The following PHLDB2 variants were observed in gnomAD, a reference collection of about 807,000 sequenced individuals.
The protein encoded by PHLDB2 is pleckstrin homology-like domain family B member 2.
PHLDB2 carries 71 observed loss-of-function variants against 123.6 expected under a neutral mutation model. The observed-to-expected ratio is 0.57, with a 90% CI of 0.47 to 0.70. The LOEUF is 0.70. Ranked by LOEUF, PHLDB2 falls within the 30% of genes least tolerant of loss-of-function variation. PHLDB2 has a pLI of 0.00. For synonymous variants in PHLDB2, 547 were observed against 541.6 expected, an observed-to-expected ratio of 1.01 and a Z score of -0.14; for missense variants, 1,446 against 1,519.5, an observed-to-expected ratio of 0.95 and a Z score of 0.80.
At chr3:111,787,253 C>T (rs922643407) in intron 1 of PHLDB2, among the ~76,000 whole-genome samples, 6 of 152,156 alleles carry the variant, frequency 3.9e-5, no homozygotes, top group Non-Finnish European at 8.8e-5. Flanking sequence ...CATGCTTTTG[C>T]GTTACTGAAG....
chr3:111,858,153 A>C (rs564288329), upstream of PHLDB2, among the ~76,000 whole-genome samples: 5 of 152,340 alleles, frequency 3.3e-5, no homozygotes, highest in South Asian at 1.0e-3. Context: ...TGTCCTTTGC[A>C]GGGACGTGGA....
chr3:111,866,040 G>C (rs1478728409), intron 1 of PHLDB2, among the ~76,000 whole-genome samples: 1 of 7,696 alleles, frequency 1.3e-4, no homozygotes, highest in Non-Finnish European at 3.2e-4. Flanking sequence ...TTTTTTTTTG[G>C]AGACAGAGTT....
At chr3:111,758,537 G>T (rs188686878) in intron 1 of PHLDB2, among the ~76,000 whole-genome samples, 378 of 152,320 alleles carry the variant, frequency 2.5e-3, no homozygotes, top group Non-Finnish European at 4.2e-3. Context: ...AAAGGGAACT[G>T]CCTGGTCCCT....
chr3:111,925,900 G>T (rs1449461246), intron 5 of PHLDB2, among the ~76,000 whole-genome samples: 1 of 152,158 alleles, frequency 6.6e-6, no homozygotes, highest in Non-Finnish European at 1.5e-5. Context: ...TTTTATCTGT[G>T]CTTCTTTTTA....
intron 5 of PHLDB2, among the ~76,000 whole-genome samples, chr3:111,926,119 C>T (rs1216276733): frequency 1.3e-5 from 2 of 152,248 alleles, no homozygotes; most frequent in Admixed American, 1.3e-4. Context: ...CTCTTAAACA[C>T]ATGAAACACA....
chr3:111,752,263 T>C (rs926549149), intron 1 of PHLDB2, among the ~76,000 whole-genome samples: 31 of 152,106 alleles, frequency 2.0e-4, no homozygotes, highest in African/African-American at 7.2e-4. Context: ...TGTGTGTGTG[T>C]GTGCATTTTA....
chr3:111,958,952 C>T (rs774979170), intron 12 of PHLDB2, among the ~76,000 whole-genome samples: 1 of 152,138 alleles, frequency 6.6e-6, no homozygotes, highest in Non-Finnish European at 1.5e-5. Context: ...TTATGACATC[C>T]ACATGCCAAA....
At chr3:111,890,003 C>G (rs567883195) in intron 2 of PHLDB2, among the ~76,000 whole-genome samples, 1 of 152,156 alleles carries the variant, frequency 6.6e-6, no homozygotes, top group Non-Finnish European at 1.5e-5. Flanking sequence ...TCTCACTTTT[C>G]CAGATCTCAA....
chr3:111,813,456 C>T (rs577581581), intron 1 of PHLDB2, among the ~76,000 whole-genome samples: 1 of 152,088 alleles, frequency 6.6e-6, no homozygotes, highest in African/African-American at 2.4e-5. Context: ...ATTTTTGTGG[C>T]TTAAGGCTAA....
intron 3 of PHLDB2, among the ~76,000 whole-genome samples, chr3:111,917,871 A>G (rs975688651): frequency 2.6e-5 from 4 of 152,154 alleles, no homozygotes; most frequent in African/African-American, 7.2e-5. Context: ...ACTCAACTTA[A>G]TGGGTTTTTT....
At chr3:111,940,262 A>G (rs1259380385) in intron 7 of PHLDB2, among the ~76,000 whole-genome samples, 1 of 152,206 alleles carries the variant, frequency 6.6e-6, no homozygotes, top group Non-Finnish European at 1.5e-5. Flanking sequence ...ATTCATCGAT[A>G]GCCTAAAACT....
chr3:111,856,785 T>A (rs1280286655), upstream of PHLDB2, among the ~76,000 whole-genome samples: 1 of 152,200 alleles, frequency 6.6e-6, no homozygotes, highest in Non-Finnish European at 1.5e-5. Flanking sequence ...ACTAGGGATA[T>A]AGCACTGGAG....
rs75096697 is a variant in PHLDB2, at chr3:111,913,569, G to C, written c.1586G>C (p.Ser529Thr). 2,806 of 1,614,132 alleles carry C rather than the reference G, an allele frequency of 1.7e-3. 40 individuals are homozygous for C. In the African/African-American group the frequency reaches 0.032, roughly 18 times the overall value. Residue 529 changes from serine to threonine, a missense_variant, in exon 3 of 18, where the codon AGT (serine) becomes ACT (threonine). Ser to Thr is a moderately conservative substitution (Grantham distance 58). Coordinates refer to ENST00000431670, the MANE Select transcript of PHLDB2 (RefSeq NM_001134438.2). ...AGCTGTGGGAGTCTCAGTCAGAGCA[G>C]TGCCAGCTTCTTTACCCCCAGGAGC... ...LASCGSLSQSSASFFTPRSTR... is the reference protein window; with the variant it reads ...LASCGSLSQSTASFFTPRSTR...
chr3:111,877,606 A>G (rs1353171454), intron 1 of PHLDB2, among the ~76,000 whole-genome samples: 3 of 152,046 alleles, frequency 2.0e-5, no homozygotes, highest in Non-Finnish European at 4.4e-5. Flanking sequence ...TTTTGTTGCC[A>G]TTGCTTTTGG....
At chr3:111,757,181 T>C (rs138521081) in intron 1 of PHLDB2, among the ~76,000 whole-genome samples, 1,597 of 152,324 alleles carry the variant, frequency 0.01, 27 homozygotes, top group African/African-American at 0.036. Flanking sequence ...ATTTCCTTAA[T>C]CTGAATGTTG....
At chr3:111,744,773 G>A (rs12495513) in intron 1 of PHLDB2, among the ~76,000 whole-genome samples, 8,909 of 152,132 alleles carry the variant, frequency 0.059, 620 homozygotes, top group East Asian at 0.37. Context: ...AAAGAAACGA[G>A]GATAACACAA....
At chr3:111,901,581 C>T (rs2067208722) in intron 2 of PHLDB2, among the ~76,000 whole-genome samples, 1 of 151,450 alleles carries the variant, frequency 6.6e-6, no homozygotes, top group Admixed American at 6.6e-5. Context: ...GTCTTTATAC[C>T]TCTCATATAC....
rs372424701 is a variant in PHLDB2 at position 111,884,736 on chromosome 3, A to G, written c.659A>G (p.Gln220Arg). Residue 220 changes from glutamine (Q) to arginine (R), a missense_variant, in exon 2 of 18, where the codon CAA becomes CGA. By Grantham distance (43) the Gln-to-Arg change is conservative (BLOSUM62 1). Around this residue, in one of 3 missense-constraint regions of PHLDB2, gnomAD observed 832 missense variants for 831.9 expected, o/e 1.00. Coordinates refer to ENST00000431670, the MANE Select transcript of PHLDB2 (RefSeq NM_001134438.2). ...AGCATTCAGGACAGCCTGGCGCTTCAACCCAAGTTAACTAGACACAAGGAG... is the reference window on the plus strand; with the variant it reads ...AGCATTCAGGACAGCCTGGCGCTTCGACCCAAGTTAACTAGACACAAGGAG... ...KMSIQDSLALQPKLTRHKELA... is the reference protein window; with the variant it reads ...KMSIQDSLALRPKLTRHKELA... The G allele has an allele frequency of 4.5e-5, 72 of 1,614,008 alleles. No individual in the cohort carries two copies. Among genetic ancestry groups the G allele is most frequent in the Admixed American group, 1.2e-4 (7 of 60,004 alleles).
intron 1 of PHLDB2, among the ~76,000 whole-genome samples, chr3:111,882,661 T>C (rs771161735): frequency 5.3e-5 from 8 of 152,188 alleles, no homozygotes; most frequent in Non-Finnish European, 8.8e-5. Context: ...TTATGGACAG[T>C]TGGGTACCTG....
Sources: gnomAD v4.1 joint callset for allele counts (sites outside exome capture counted in the v4.1 genomes callset) on GRCh38, gnomAD v4.1.1 for gene constraint, gnomAD v4.1.1 regional missense constraint, MANE v1.5 for transcripts, NCBI Gene and HGNC (gene_info 2026-07-23, HGNC 2026-07-21) for gene names.